The following ADAMTS14 variants were observed in gnomAD, a reference collection of about 807,000 sequenced individuals.
ADAMTS14 encodes the protein A disintegrin and metalloproteinase with thrombospondin motifs 14.
ADAMTS14 carries 100 observed loss-of-function variants against 128.6 expected under a neutral mutation model. That is an observed-to-expected ratio of 0.78 (90% CI 0.66 to 0.92). The LOEUF (loss-of-function observed/expected upper bound fraction) is 0.92, where lower values mean the gene tolerates loss of function less well. Ranked by LOEUF, ADAMTS14 falls within the 40% of genes least tolerant of loss-of-function variation. The pLI, the probability that ADAMTS14 is intolerant of heterozygous loss-of-function variation, is 0.00. For synonymous variants in ADAMTS14, 665 were observed against 653.8 expected (o/e 1.02, Z -0.26); for missense variants, 1,562 against 1,658.6 (o/e 0.94, Z 1.01).
At chr10:70,705,975 T>G (rs1840652669) in intron 3 of ADAMTS14, among the ~76,000 whole-genome samples, 1 of 152,244 alleles carries the variant, frequency 6.6e-6, no homozygotes, top group African/African-American at 2.4e-5. Context: ...ACATGGCACC[T>G]CTAGGTTTAA....
chr10:70,739,719 T>C (rs1033247041), intron 11 of ADAMTS14, among the ~76,000 whole-genome samples: 1 of 152,170 alleles, frequency 6.6e-6, no homozygotes, highest in African/African-American at 2.4e-5. Context: ...CTGAGGGGTA[T>C]GATGAAGACT....
Position 70,726,364 on chromosome 10 carries a change from G to A in ADAMTS14, c.871-2930G>A, listed in dbSNP as rs1589303490. The stretch of plus-strand genomic sequence containing the variant: ...GCAGGAGTCTGGCAGCAATTCACAT[G>A]GTCTGCCTTACAAGAAAGACACGTG... On this transcript the variant is annotated intron_variant, in intron 4 of 21. Transcript: ENST00000373207. 2.0e-5 allele frequency among the ~76,000 whole-genome samples: 3 copies of A among 152,310 alleles called. No homozygotes were observed. The South Asian group carries it at 6.2e-4, about 32-fold the overall frequency.
At chr10:70,731,147 T>G (rs1162633644) in intron 6 of ADAMTS14, among the ~76,000 whole-genome samples, 7 of 150,630 alleles carry the variant, frequency 4.6e-5, no homozygotes, top group African/African-American at 1.7e-4. Flanking sequence ...CATGCACACA[T>G]GCAAATAGAC....
chr10:70,716,877 T>G (rs1239360298), intron 4 of ADAMTS14, among the ~76,000 whole-genome samples: 2 of 152,138 alleles, frequency 1.3e-5, no homozygotes, highest in Non-Finnish European at 2.9e-5. Flanking sequence ...ACAGTCTGGG[T>G]GGCCCTGCCT....
chr10:70,684,438 C>T (rs1839897524), intron 2 of ADAMTS14, among the ~76,000 whole-genome samples: 1 of 152,168 alleles, frequency 6.6e-6, no homozygotes, highest in Non-Finnish European at 1.5e-5. Context: ...TGGACTCTTC[C>T]ATTTGAGGGA....
rs780749328 is a variant in ADAMTS14, at chr10:70,753,854, G to A, written c.2784G>A (p.Val928=). ...GCCGGAGCTGTGGGAAGCTGGGGGT[G>A]CAGACACGGGGGATACAGTGCCTGC... ...ACSRSCGKLG[V]QTRGIQCLLP... Residue 928 remains valine, a synonymous_variant, in exon 19 of 22, where the codon GTG becomes GTA. Coordinates refer to ENST00000373207, the MANE Select transcript of ADAMTS14 (RefSeq NM_080722.4). The A allele has an allele frequency of 3.8e-6, 6 of 1,593,888 alleles. No individual in the cohort carries two copies. In the Admixed American group the frequency reaches 5.3e-5, roughly 14 times the overall value.
At chr10:70,730,354 G>A (rs1589309147) in intron 6 of ADAMTS14, 105 bp downstream of exon 6, 6 of 1,449,548 alleles carry the variant, frequency 4.1e-6, no homozygotes, top group Non-Finnish European at 4.6e-6. Flanking sequence ...CCCACCACAT[G>A]GAGGTTTGAA....
chr10:70,735,025 C>T, intron 8 of ADAMTS14, 144 bp from the exon 9 acceptor site: 1 of 1,064,160 alleles, frequency 9.4e-7, no homozygotes, highest in Non-Finnish European at 1.3e-6. Flanking sequence ...GCAGCCCGTC[C>T]TCCCTGGAAG....
chr10:70,752,668 C>T (rs988808268), intron 18 of ADAMTS14, among the ~76,000 whole-genome samples: 2 of 152,160 alleles, frequency 1.3e-5, no homozygotes, highest in Non-Finnish European at 2.9e-5. Context: ...TAGTACACCC[C>T]AAGCAGACTG....
chr10:70,722,964 C>T (rs1208221763), intron 4 of ADAMTS14, among the ~76,000 whole-genome samples: 1 of 152,162 alleles, frequency 6.6e-6, no homozygotes, highest in African/African-American at 2.4e-5. Context: ...CTCAAGAATT[C>T]AGTATGGAAA....
In ADAMTS14 at chr10:70,735,153, T is replaced by C; in HGVS notation, c.1353-16T>C. Reference sequence around the variant, plus strand: ...CTGCTGTCAGCCTGGCTCACCTTCCTTGTCTCTACTGGCAGCTCCTACGAC... The same window carrying C: ...CTGCTGTCAGCCTGGCTCACCTTCCCTGTCTCTACTGGCAGCTCCTACGAC... On this transcript the variant is annotated splice_polypyrimidine_tract_variant and intron_variant, in intron 8 of 21. Coordinates refer to ENST00000373207, the MANE Select transcript of ADAMTS14 (RefSeq NM_080722.4). 2.5e-6 allele frequency: 4 copies of C among 1,606,174 alleles called. No individual in the cohort carries two copies. Among genetic ancestry groups the C allele is most frequent in the South Asian group, 2.2e-5 (2 of 90,262 alleles).
intron 19 of ADAMTS14, 38 bp from the exon 20 acceptor site, chr10:70,757,924 C>G: frequency 6.4e-7 from 1 of 1,558,274 alleles, no homozygotes; most frequent in South Asian, 1.2e-5. Context: ...CTACCCTGAC[C>G]CCGGCCGCTA....
chr10:70,741,772 C>T (rs905851743), intron 12 of ADAMTS14, among the ~76,000 whole-genome samples: 1 of 152,202 alleles, frequency 6.6e-6, no homozygotes, highest in Non-Finnish European at 1.5e-5. Context: ...AATTTGGGGA[C>T]CATAGTGGTG....
chr10:70,730,714 C>T (rs1841608751), intron 6 of ADAMTS14, among the ~76,000 whole-genome samples: 1 of 152,162 alleles, frequency 6.6e-6, no homozygotes, highest in Non-Finnish European at 1.5e-5. Context: ...CTGGGTCCTC[C>T]CAATTGTGGA....
chr10:70,736,401 G>A (rs1243831531), intron 9 of ADAMTS14, among the ~76,000 whole-genome samples: 1 of 152,162 alleles, frequency 6.6e-6, no homozygotes, highest in African/African-American at 2.4e-5. Flanking sequence ...AGTGACAAAT[G>A]GCCTCTGTAA....
intron 2 of ADAMTS14, among the ~76,000 whole-genome samples, chr10:70,684,412 T>C (rs1839896453): frequency 6.6e-6 from 1 of 152,220 alleles, no homozygotes; most frequent in African/African-American, 2.4e-5. Context: ...GACAAAATTT[T>C]CCAAGAGTGG....
chr10:70,756,241 GA>G (rs1356761866), intron 19 of ADAMTS14, among the ~76,000 whole-genome samples: 6 of 152,308 alleles, frequency 3.9e-5, no homozygotes, highest in Admixed American at 3.9e-4. Context: ...GTGGCATCTG[GA>G]TAGGGTTTTG....
intron 4 of ADAMTS14, among the ~76,000 whole-genome samples, chr10:70,721,779 C>T (rs546450455): frequency 1.3e-5 from 2 of 152,350 alleles, no homozygotes; most frequent in East Asian, 3.9e-4. Context: ...AGTGCCCTTG[C>T]ATGTCACATT....
rs754314763 is a variant in ADAMTS14, at chr10:70,674,724, G to A, written c.251G>A (p.Arg84Gln). 9 of 1,613,302 alleles carry A rather than the reference G, an allele frequency of 5.6e-6. No individual in the cohort carries two copies. Among genetic ancestry groups the A allele is most frequent in the African/African-American group, 1.3e-5 (1 of 74,924 alleles). ...PTLPRHSSHL[R>Q]VARSPLHPGG... ...CTACCACGACACTCCAGTCACCTCC[G>A]GGTGGCTCGCAGCCCTCTGCACCCA... Residue 84 changes from arginine (R) to glutamine (Q), a missense_variant, in exon 2 of 22, where the codon CGG becomes CAG. Transcript: ENST00000373207.
Sources: gnomAD v4.1 joint callset for allele counts (sites outside exome capture counted in the v4.1 genomes callset) on GRCh38, gnomAD v4.1.1 for gene constraint, MANE v1.5 for transcripts, NCBI Gene and HGNC (gene_info 2026-07-23, HGNC 2026-07-21) for gene names.